The following GLT1D1 variants were observed in gnomAD, a reference collection of about 807,000 sequenced individuals.
GLT1D1 encodes glycosyltransferase 1 domain containing 1.
GLT1D1 carries 21 observed loss-of-function variants against 28.7 expected under a neutral mutation model. The observed-to-expected ratio is 0.73, with a 90% CI of 0.52 to 1.05. The LOEUF is 1.05. Ranked by LOEUF, GLT1D1 falls within the 50% of genes least tolerant of loss-of-function variation. The pLI is 0.00. For synonymous variants in GLT1D1, 147 were observed against 124.8 expected, an observed-to-expected ratio of 1.18 and a Z score of -1.19; for missense variants, 343 against 330.6, an observed-to-expected ratio of 1.04 and a Z score of -0.29.
intron 6 of GLT1D1, among the ~76,000 whole-genome samples, chr12:128,953,123 C>A (rs778509882): frequency 6.6e-6 from 1 of 152,016 alleles, no homozygotes; most frequent in Non-Finnish European, 1.5e-5. Context: ...CCCATTTATA[C>A]CTTCTCTGAA....
chr12:128,871,601 A>G (rs1286976371), intron 1 of GLT1D1, among the ~76,000 whole-genome samples: 1 of 151,844 alleles, frequency 6.6e-6, no homozygotes, highest in African/African-American at 2.4e-5. Context: ...ATCTCACCAT[A>G]TGCCCCAGGG....
chr12:128,906,455 G>A (rs559590828), intron 4 of GLT1D1, among the ~76,000 whole-genome samples: 3 of 152,100 alleles, frequency 2.0e-5, no homozygotes, highest in Admixed American at 2.0e-4. Flanking sequence ...AATGGTTATG[G>A]TTTAATATGT....
chr12:128,881,644 A>G (rs374482324), intron 2 of GLT1D1, among the ~76,000 whole-genome samples: 1 of 140,134 alleles, frequency 7.1e-6, no homozygotes, highest in Non-Finnish European at 1.5e-5. Flanking sequence ...ATACCTATAT[A>G]AATATATATT....
In GLT1D1 at chr12:128,983,842, C is replaced by T. The variant is rs1352466743; in HGVS notation, c.*752C>T. The T allele has an allele frequency of 6.6e-6, 1 of 152,250 alleles. No homozygotes were observed. The highest frequency in any genetic ancestry group is 1.5e-5 in the Non-Finnish European group (1 of 68,066). 9.4% of individuals were successfully genotyped at this position (152,250 alleles called of 1,614,324 possible). On this transcript the variant is annotated 3_prime_UTR_variant, in exon 8 of 8. Coordinates refer to ENST00000281703, the MANE Select transcript of GLT1D1 (RefSeq NM_144669.3). This position sits in a 1 kb window ranked among gnomAD's most constrained non-coding sequence, Gnocchi z 4.7. ...GGCTTTGGGTCCAGGGTGGGCTCTTCCCCTTCCCACATCAGGGACCCGGGG... is the reference window on the plus strand; with the variant it reads ...GGCTTTGGGTCCAGGGTGGGCTCTTTCCCTTCCCACATCAGGGACCCGGGG...
intron 2 of GLT1D1, among the ~76,000 whole-genome samples, chr12:128,881,331 G>C (rs1957036142): frequency 1.3e-5 from 2 of 148,628 alleles, no homozygotes; most frequent in African/African-American, 2.5e-5. Context: ...AAGATTTCGA[G>C]ATTAGCCTGG....
chr12:128,918,552 T>C (rs962654716), intron 4 of GLT1D1, among the ~76,000 whole-genome samples: 6 of 152,344 alleles, frequency 3.9e-5, no homozygotes, highest in Admixed American at 2.0e-4. Flanking sequence ...TTAAGTTCTA[T>C]TGAAAAGAAA....
chr12:128,868,951 C>T (rs76019238), intron 1 of GLT1D1, among the ~76,000 whole-genome samples: 5,703 of 152,298 alleles, frequency 0.037, 276 homozygotes, highest in Admixed American at 0.11. Context: ...CTCACTGCAA[C>T]CACCGCCTGC....
At chr12:128,930,891 A>G (rs1199067373) in intron 4 of GLT1D1, among the ~76,000 whole-genome samples, 6 of 152,146 alleles carry the variant, frequency 3.9e-5, no homozygotes, top group Non-Finnish European at 7.3e-5. Context: ...TGGCTTCTTA[A>G]GTAATAGTCT....
At chr12:128,958,149 A>G (rs955275269) in intron 7 of GLT1D1, among the ~76,000 whole-genome samples, 6 of 152,156 alleles carry the variant, frequency 3.9e-5, no homozygotes, top group South Asian at 2.1e-4. Flanking sequence ...TGGGGCACAC[A>G]TGTGTGCCAT....
intron 1 of GLT1D1, among the ~76,000 whole-genome samples, chr12:128,866,960 C>T (rs1956545782): frequency 6.6e-6 from 1 of 152,102 alleles, no homozygotes; most frequent in South Asian, 2.1e-4. Context: ...CCCCTGCCCA[C>T]CCTTCTCAAA....
intron 6 of GLT1D1, among the ~76,000 whole-genome samples, chr12:128,953,101 C>T (rs958912881): frequency 8.5e-5 from 13 of 152,078 alleles, no homozygotes; most frequent in African/African-American, 1.7e-4. Flanking sequence ...CATCTTTTCA[C>T]GTGCTTATCG....
At chr12:128,855,022 C>T (rs1435660395) in intron 1 of GLT1D1, among the ~76,000 whole-genome samples, 1 of 151,992 alleles carries the variant, frequency 6.6e-6, no homozygotes, top group Non-Finnish European at 1.5e-5. Context: ...GTTCCTGGCT[C>T]TGTTGGATGA....
At chr12:128,928,809 C>T (rs546178947) in intron 4 of GLT1D1, among the ~76,000 whole-genome samples, 5 of 151,944 alleles carry the variant, frequency 3.3e-5, no homozygotes, top group African/African-American at 4.8e-5. Flanking sequence ...TTAGTAGGGA[C>T]GGGGGTTTTA....
chr12:128,889,430 A>G (rs887166541), intron 3 of GLT1D1, among the ~76,000 whole-genome samples: 7 of 152,116 alleles, frequency 4.6e-5, no homozygotes, highest in Non-Finnish European at 1.0e-4. Context: ...GGGGCTTCTT[A>G]CAGGGGTCAC....
chr12:128,894,363 G>C (rs980051270), intron 3 of GLT1D1, among the ~76,000 whole-genome samples: 3 of 152,054 alleles, frequency 2.0e-5, no homozygotes, highest in Non-Finnish European at 4.4e-5. Flanking sequence ...GCCATTTTTG[G>C]GTCCTGCTGC....
At chr12:128,982,348 G>C (rs76788838) in intron 7 of GLT1D1, among the ~76,000 whole-genome samples, 1,677 of 152,304 alleles carry the variant, frequency 0.011, 33 homozygotes, top group African/African-American at 0.039. Flanking sequence ...GCAAAGTGAG[G>C]TCGTTCAGAA....
rs138690530 is a variant in GLT1D1 at position 128,947,409 on chromosome 12, C to T, written c.491C>T (p.Ala164Val). ...CACGCGGTGGTGAAGAATTGCTTCG[C>T]GGTGGTGAATAGCTCTGTCTCTGAA... The change falls in exon 6 of 8, where the codon GCG (alanine) becomes GTG (valine). Residue 164 changes from alanine to valine, a missense_variant. Transcript: ENST00000281703. 25 of 1,613,986 alleles carry T rather than the reference C, an allele frequency of 1.5e-5. No individual in the cohort carries two copies. The highest frequency in any genetic ancestry group is 4.0e-5 in the African/African-American group (3 of 74,982).
At chr12:128,925,253 T>C (rs554942712) in intron 4 of GLT1D1, among the ~76,000 whole-genome samples, 1 of 152,166 alleles carries the variant, frequency 6.6e-6, no homozygotes, top group African/African-American at 2.4e-5. Flanking sequence ...CAATGTGCCA[T>C]GGTGGTTTGC....
intron 7 of GLT1D1, among the ~76,000 whole-genome samples, chr12:128,968,638 G>T (rs1878724989): frequency 6.6e-6 from 1 of 152,080 alleles, no homozygotes; most frequent in Non-Finnish European, 1.5e-5. Context: ...ACTCCAGCCT[G>T]GGTGACAGTG....
Sources: gnomAD v4.1 joint callset for allele counts (sites outside exome capture counted in the v4.1 genomes callset) on GRCh38, gnomAD v4.1.1 for gene constraint, Gnocchi (gnomAD v3.1) non-coding constraint, MANE v1.5 for transcripts, NCBI Gene and HGNC (gene_info 2026-07-23, HGNC 2026-07-21) for gene names.